ZCWPW2: variants seen among roughly 807,000 people sequenced by gnomAD.
ZCWPW2 encodes the protein zinc finger CW-type and PWWP domain containing 2.
ZCWPW2 carries 45 observed loss-of-function variants against 46.6 expected under a neutral mutation model. That is an observed-to-expected ratio of 0.96 (90% CI 0.76 to 1.24). ZCWPW2 has a LOEUF of 1.24. ZCWPW2 is among the 50% of genes most tolerant of loss of function. The pLI is 0.00. For synonymous variants in ZCWPW2, 152 were observed against 137.1 expected, an observed-to-expected ratio of 1.11 and a Z score of -0.76; for missense variants, 429 against 403.9, an observed-to-expected ratio of 1.06 and a Z score of -0.53.
At chr3:28,370,880 G>C (rs543904926) in intron 1 of ZCWPW2, among the ~76,000 whole-genome samples, 1 of 152,110 alleles carries the variant, frequency 6.6e-6, no homozygotes, top group Admixed American at 6.5e-5. Context: ...TTACAGGCAT[G>C]CACCACCATG....
At chr3:28,461,537 C>G (rs866546004) in intron 4 of ZCWPW2, 1 of 152,034 alleles carries the variant, frequency 6.6e-6, no homozygotes, top group East Asian at 1.9e-4. Context: ...TTTGTAGAGG[C>G]TAATCACATA....
At chr3:28,450,586 A>C (rs997467758) in intron 4 of ZCWPW2, among the ~76,000 whole-genome samples, 7 of 152,174 alleles carry the variant, frequency 4.6e-5, no homozygotes, top group Admixed American at 1.3e-4. Flanking sequence ...TTATGTTGCC[A>C]AGAAAAAGTA....
intron 8 of ZCWPW2, among the ~76,000 whole-genome samples, chr3:28,517,583 C>A (rs1252481578): frequency 6.6e-6 from 1 of 152,154 alleles, no homozygotes; most frequent in Non-Finnish European, 1.5e-5. Flanking sequence ...GATGCACTTA[C>A]CTCCTACCAG....
At position 28,473,214 on chromosome 3, in the gene ZCWPW2, C is replaced by G. The variant is rs138564620; in HGVS notation, c.493-5600C>G. 2.5e-3 allele frequency among the ~76,000 whole-genome samples: 386 copies of G among 152,132 alleles called. 1 individual carries two copies. Among genetic ancestry groups the G allele is most frequent in the African/African-American group, 8.4e-3 (350 of 41,510 alleles). Reference sequence around the variant, plus strand: ...AAGTAGGCTGGGTGCAGTGGCTCATCCCTATAATCCCAGCACTCTGGGAGG... The same window carrying G: ...AAGTAGGCTGGGTGCAGTGGCTCATGCCTATAATCCCAGCACTCTGGGAGG... On this transcript the variant is annotated intron_variant, in intron 4 of 9. Transcript: ENST00000383768.
intron 1 of ZCWPW2, among the ~76,000 whole-genome samples, chr3:28,386,141 G>T (rs757522179): frequency 1.3e-5 from 2 of 151,988 alleles, no homozygotes; most frequent in Non-Finnish European, 2.9e-5. Flanking sequence ...AATTTGGGGT[G>T]GAACTCCTAA....
chr3:28,504,596 T>C (rs189808149), intron 6 of ZCWPW2, among the ~76,000 whole-genome samples: 71 of 152,302 alleles, frequency 4.7e-4, no homozygotes, highest in African/African-American at 1.6e-3. Flanking sequence ...TGCATCAGCT[T>C]TTTAGAATTT....
intron 1 of ZCWPW2, among the ~76,000 whole-genome samples, chr3:28,349,962 A>G (rs1318755945): frequency 6.6e-6 from 1 of 152,208 alleles, no homozygotes; most frequent in Non-Finnish European, 1.5e-5. Context: ...GTGAAAATTT[A>G]TAGCTGTTAG....
intron 2 of ZCWPW2, among the ~76,000 whole-genome samples, chr3:28,403,369 C>G (rs1390526290): frequency 6.6e-6 from 1 of 152,116 alleles, no homozygotes; most frequent in Non-Finnish European, 1.5e-5. Flanking sequence ...AGGAAAACTA[C>G]ATAACACTGC....
intron 2 of ZCWPW2, among the ~76,000 whole-genome samples, chr3:28,408,960 G>A (rs1197007219): frequency 6.6e-6 from 1 of 152,028 alleles, no homozygotes; most frequent in Admixed American, 6.6e-5. Context: ...GTGAATTAGG[G>A]TAAAGAGCCA....
At chr3:28,403,817 G>A (rs1195162526) in intron 2 of ZCWPW2, among the ~76,000 whole-genome samples, 1 of 152,152 alleles carries the variant, frequency 6.6e-6, no homozygotes, top group Non-Finnish European at 1.5e-5. Flanking sequence ...TCAACAAATG[G>A]TGCTGGGATA....
intron 1 of ZCWPW2, among the ~76,000 whole-genome samples, chr3:28,361,858 T>C (rs74739636): frequency 0.012 from 1,862 of 152,148 alleles, 40 homozygotes; most frequent in African/African-American, 0.042. Flanking sequence ...TATAATTTTT[T>C]TTAAAGGCAG....
chr3:28,453,877 C>T (rs1698326081), intron 4 of ZCWPW2, among the ~76,000 whole-genome samples: 1 of 149,028 alleles, frequency 6.7e-6, no homozygotes. Flanking sequence ...CGGAGTCTCG[C>T]TCTGTCGCCC....
chr3:28,402,121 T>C (rs1559489998), intron 2 of ZCWPW2, among the ~76,000 whole-genome samples: 1 of 151,602 alleles, frequency 6.6e-6, no homozygotes, highest in Non-Finnish European at 1.5e-5. Flanking sequence ...ATACAAAAGA[T>C]AGATGAATCA....
At chr3:28,457,938 A>C (rs1379498478) in intron 4 of ZCWPW2, among the ~76,000 whole-genome samples, 2 of 151,718 alleles carry the variant, frequency 1.3e-5, no homozygotes, top group African/African-American at 2.4e-5. Context: ...TGGTGATTTA[A>C]GTTTTTAACT....
Position 28,413,361 on chromosome 3 carries a change from T to C in ZCWPW2, c.293T>C (p.Leu98Pro). 1 of 1,610,306 alleles carries C rather than the reference T, an allele frequency of 6.2e-7. No individual in the cohort carries two copies. Among genetic ancestry groups the C allele is most frequent in the African/African-American group, 1.3e-5 (1 of 74,920 alleles). ...AAGATTGTCTATTCACAGCTCCCTC[T>C]TGGAAGCCTGGTTTTGGTAAAATTA... is the stretch of plus-strand genomic sequence containing the variant. ...GFKIVYSQLP[L>P]GSLVLVKLQN... is the part of the protein sequence containing the mutation. The change falls in exon 3 of 10, where the codon CTT becomes CCT. Residue 98 changes from leucine (L) to proline (P), a missense_variant. Leu to Pro is a moderately conservative substitution (Grantham distance 98, BLOSUM62 -3). Coordinates refer to ENST00000383768, the MANE Select transcript of ZCWPW2 (RefSeq NM_001040432.4).
intron 2 of ZCWPW2, among the ~76,000 whole-genome samples, chr3:28,409,018 A>T (rs896510102): frequency 6.6e-6 from 1 of 152,018 alleles, no homozygotes; most frequent in Non-Finnish European, 1.5e-5. Flanking sequence ...ATATTATTTG[A>T]TCATTGGTTA....
chr3:28,497,735 A>T, intron 6 of ZCWPW2, among the ~76,000 whole-genome samples: 1 of 152,034 alleles, frequency 6.6e-6, no homozygotes, highest in East Asian at 1.9e-4. Context: ...TACTATTCCT[A>T]AGTGCCTATT....
Position 28,364,360 on chromosome 3 carries a change from G to A in ZCWPW2, c.-134+15157G>A, listed in dbSNP as rs1422711287. On this transcript the variant is annotated intron_variant, in intron 1 of 9. Transcript: ENST00000383768. ...TCACATTTTCTTTATTTCTTCATTG[G>A]CTGGTGGGCATTTATGCCCATTCCA... is the stretch of plus-strand genomic sequence containing the variant. Among the ~76,000 whole-genome samples, 4 of 151,828 alleles carry A rather than the reference G, an allele frequency of 2.6e-5. No individual in the cohort carries two copies. The South Asian group carries it at 8.3e-4, about 32-fold the overall frequency.
chr3:28,430,390 A>G (rs1289919690), intron 3 of ZCWPW2, among the ~76,000 whole-genome samples: 3 of 152,212 alleles, frequency 2.0e-5, no homozygotes, highest in Non-Finnish European at 4.4e-5. Context: ...GTGTATTTAC[A>G]CAATGCCTTG....
Sources: allele counts gnomAD v4.1 joint callset (sites outside exome capture counted in the v4.1 genomes callset), GRCh38; gene constraint gnomAD v4.1.1; transcripts MANE v1.5; gene names NCBI Gene and HGNC (gene_info 2026-07-23, HGNC 2026-07-21).